Variants in ASMTL observed in about 807,000 individuals in gnomAD.
The protein encoded by ASMTL is probable bifunctional dTTP/UTP pyrophosphatase/methyltransferase protein.
ASMTL carries 57 observed loss-of-function variants against 60.3 expected under a neutral mutation model. The observed-to-expected ratio is 0.95, with a 90% confidence interval of 0.76 to 1.18. The LOEUF is 1.18. ASMTL is among the 50% of genes most tolerant of loss of function. ASMTL has a pLI of 0.00. For missense variants in ASMTL, 981 were observed against 852.6 expected (o/e 1.15, Z -1.88); for synonymous variants, 419 against 373.0 (o/e 1.12, Z -1.42).
At chrX:1,416,340 CAG>C (rs62636739) in intron 11 of ASMTL, among the ~76,000 whole-genome samples, 96,137 of 128,340 alleles carry the variant, frequency 0.75, 34,490 homozygotes, top group South Asian at 0.88. Flanking sequence ...CACGGACATA[CAG>C]ATACAGTGAC....
intron 12 of ASMTL, among the ~76,000 whole-genome samples, chrX:1,405,047 G>C (rs1480729143): frequency 7.9e-5 from 12 of 151,290 alleles, no homozygotes; most frequent in Admixed American, 4.0e-4. Flanking sequence ...GTAGATGATG[G>C]GTACGTAGAT....
chrX:1,416,917 G>T (rs2090302736), intron 11 of ASMTL, among the ~76,000 whole-genome samples: 1 of 150,600 alleles, frequency 6.6e-6, no homozygotes, highest in Non-Finnish European at 1.5e-5. Flanking sequence ...ACACACCACA[G>T]AGGTGCACAC....
intron 12 of ASMTL, among the ~76,000 whole-genome samples, chrX:1,412,106 C>T (rs1275029463): frequency 6.6e-6 from 1 of 152,036 alleles, no homozygotes; most frequent in Non-Finnish European, 1.5e-5. Flanking sequence ...CGTGAGCCAC[C>T]ACACCTGGCC....
At chrX:1,444,515 T>G (rs1205325517) in intron 1 of ASMTL, among the ~76,000 whole-genome samples, 5 of 152,134 alleles carry the variant, frequency 3.3e-5, no homozygotes, top group African/African-American at 9.7e-5. Context: ...AGGCTCACTT[T>G]CTATATTTGT....
At chrX:1,437,732 C>G (rs1449333761) in intron 3 of ASMTL, among the ~76,000 whole-genome samples, 1 of 151,498 alleles carries the variant, frequency 6.6e-6, no homozygotes, top group Non-Finnish European at 1.5e-5. Context: ...CCCGTCTCTA[C>G]TAAAAATACA....
chrX:1,403,676 C>T (rs1279432644), intron 12 of ASMTL, 187 bp from the exon 13 acceptor site: 2 of 608,478 alleles, frequency 3.3e-6, no homozygotes, highest in African/African-American at 1.8e-5. Flanking sequence ...GGCGGACAGA[C>T]AGGGAGAAGG....
Position 1,412,745 on chromosome X carries a change from C to G in ASMTL, c.1632G>C (p.Glu544Asp). ...KVHKLLSRVA[E>D]SCKPGAGLLL... is the part of the protein sequence containing the mutation. ...ATGGGCTCTCACCTGGCTTGCAGCT[C>G]TCGGCGACCCTGCTGAGTAACTTGT... The change falls in exon 12 of 13, where the codon GAG becomes GAC. Residue 544 changes from glutamate to aspartate, a missense_variant. Glu to Asp is a conservative substitution (Grantham distance 45). Coordinates refer to ENST00000381317, the MANE Select transcript of ASMTL (RefSeq NM_004192.4). 6.2e-7 allele frequency: 1 copy of G among 1,614,000 alleles called. No individual in the cohort carries two copies. The highest frequency in any genetic ancestry group is 8.5e-7 in the Non-Finnish European group (1 of 1,179,860).
rs1439645082 is a variant in ASMTL at position 1,419,114 on chromosome X, C to T, written c.1246G>A (p.Asp416Asn). 7 of 1,611,150 alleles carry T rather than the reference C, an allele frequency of 4.3e-6. No individual in the cohort carries two copies. Among genetic ancestry groups the T allele is most frequent in the Non-Finnish European group, 5.9e-6 (7 of 1,179,494 alleles). The stretch of plus-strand genomic sequence containing the variant: ...GTCTCCGGGCTCTGGTAGTACGCAT[C>T]CTGGAACACAGCAGGTGCTTAGGGG... ...LGKKAEDLFQ[D>N]AYYQSPETRL... Residue 416 changes from aspartate to asparagine, a missense_variant and splice_region_variant, in exon 10 of 13, where the codon GAT becomes AAT. Asp to Asn is a conservative substitution (Grantham distance 23). Transcript: ENST00000381317.
intron 6 of ASMTL, among the ~76,000 whole-genome samples, chrX:1,428,887 C>A (rs1255917568): frequency 6.7e-6 from 1 of 148,250 alleles, no homozygotes; most frequent in African/African-American, 2.5e-5. Flanking sequence ...TCCTGTCTCA[C>A]TTTTTTATTT....
intron 12 of ASMTL, among the ~76,000 whole-genome samples, chrX:1,404,878 T>G (rs1326643615): frequency 6.7e-6 from 1 of 149,786 alleles, no homozygotes; most frequent in East Asian, 2.0e-4. Flanking sequence ...ATGGATGAGA[T>G]GGATGGTTGG....
At chrX:1,416,367 G>A (rs1228033995) in intron 11 of ASMTL, among the ~76,000 whole-genome samples, 9,359 of 95,158 alleles carry the variant, frequency 0.098, 2,758 homozygotes, top group Middle Eastern at 0.15. Context: ...ACACACAGAC[G>A]CAGACATGCA....
intron 4 of ASMTL, 178 bp downstream of exon 4, chrX:1,435,516 G>A (rs775510198): frequency 4.5e-6 from 3 of 664,364 alleles, no homozygotes; most frequent in South Asian, 1.7e-5. Flanking sequence ...AGACAAGGAT[G>A]AGCATGGAGG....
intron 6 of ASMTL, among the ~76,000 whole-genome samples, chrX:1,430,487 C>T (rs1293906087): frequency 3.9e-5 from 6 of 151,980 alleles, no homozygotes; most frequent in African/African-American, 1.2e-4. Context: ...ACAATAAAAT[C>T]GGCCGCGTGT....
rs113792221 is a variant in ASMTL at position 1,452,596 on chromosome X, C to A, written c.93+152G>T. On this transcript the variant is annotated intron_variant, in intron 1 of 12. Coordinates refer to ENST00000381317, the MANE Select transcript of ASMTL (RefSeq NM_004192.4). ...CCGGGTCACTCTCCCCAACCCTATC[C>A]CTGGAGGTCCCGGGACACTCTCCCC... The A allele has an allele frequency of 0.015, 9,521 of 627,852 alleles. 658 individuals carry two copies. In the African/African-American group the frequency reaches 0.16, roughly 11 times the overall value. The allele number at this position is 627,852 out of a possible 1,614,324, so 38.9% of individuals were successfully genotyped here. A position where few individuals can be genotyped will look rare whatever the true frequency, so the allele number is the denominator to read the frequency against.
chrX:1,411,253 G>T (rs1362429265), intron 12 of ASMTL, among the ~76,000 whole-genome samples: 3 of 151,990 alleles, frequency 2.0e-5, no homozygotes, highest in Non-Finnish European at 4.4e-5. Context: ...GAGAAGAATG[G>T]AAGTCTCTTG....
chrX:1,418,789 G>T (rs772504807), intron 10 of ASMTL, 193 bp downstream of exon 10: 159 of 224,128 alleles, frequency 7.1e-4, no homozygotes, highest in African/African-American at 3.5e-3. Context: ...TTCTAGGGGG[G>T]CATTTAGGCA....
intron 1 of ASMTL, among the ~76,000 whole-genome samples, chrX:1,446,581 C>G (rs751745867): frequency 4.3e-4 from 64 of 149,618 alleles, no homozygotes; most frequent in Admixed American, 3.3e-3. Flanking sequence ...TTCACTGCAA[C>G]CTCTGCCTCC....
chrX:1,421,781 G>A lies in ASMTL; in HGVS notation c.1122C>T (p.His374=), dbSNP rs371878864. The change falls in exon 9 of 13, where the codon CAC becomes CAT. Residue 374 remains histidine, a synonymous_variant. Coordinates refer to ENST00000381317, the MANE Select transcript of ASMTL (RefSeq NM_004192.4). ...GGTCATTATTGTGCATGATGAAGCCGTGCAGAGAGTATTCGCCATCCGATG... is the reference window on the plus strand; with the variant it reads ...GGTCATTATTGTGCATGATGAAGCCATGCAGAGAGTATTCGCCATCCGATG... ...YLASDGEYSL[H]GFIMHNNDLT... 2.9e-5 allele frequency: 47 copies of A among 1,613,736 alleles called. No homozygotes were observed. The highest frequency in any genetic ancestry group is 2.4e-4 in the African/African-American group (18 of 74,862).
In ASMTL at chrX:1,416,366, C is replaced by T. The variant is rs188567946; in HGVS notation, c.1522+1607G>A. On this transcript the variant is annotated intron_variant, in intron 11 of 12. Coordinates refer to ENST00000381317, the MANE Select transcript of ASMTL (RefSeq NM_004192.4). ...AGATACAGTGACAGGCACACACAGA[C>T]GCAGACATGCACAGATGGGCACACA... Among the ~76,000 whole-genome samples, 169 of 118,086 alleles carry T rather than the reference C, an allele frequency of 1.4e-3. 1 individual carries two copies. The East Asian group carries it at 0.036, about 25-fold the overall frequency. 77.5% of individuals were successfully genotyped at this position (118,086 alleles called of 152,430 possible).
Sources: allele counts gnomAD v4.1 joint callset (sites outside exome capture counted in the v4.1 genomes callset), GRCh38; gene constraint gnomAD v4.1.1; transcripts MANE v1.5; gene names NCBI Gene and HGNC (gene_info 2026-07-23, HGNC 2026-07-21).